Variants in MCTP2 observed in about 807,000 individuals in gnomAD.
The protein encoded by MCTP2 is multiple C2 and transmembrane domain-containing protein 2.
In MCTP2, 132 loss-of-function variants were observed where a neutral mutation model predicts 111.6. The observed-to-expected ratio is 1.18, with a 90% CI of 1.03 to 1.37. MCTP2 has a LOEUF of 1.37. Among genes scored for constraint, MCTP2 ranks in the 40% most tolerant of loss-of-function variants. The pLI, the probability that MCTP2 is intolerant of heterozygous loss-of-function variation, is 0.00. For synonymous variants in MCTP2, 395 were observed against 387.7 expected (o/e 1.02, Z -0.22); for missense variants, 1,183 against 1,067.9 (o/e 1.11, Z -1.50).
chr15:94,373,910 T>C (rs2079616312), intron 12 of MCTP2, among the ~76,000 whole-genome samples: 1 of 152,212 alleles, frequency 6.6e-6, no homozygotes, highest in South Asian at 2.1e-4. Context: ...AAACAAATGA[T>C]AAATTGTACT....
rs564820095 is a variant in MCTP2, at chr15:94,242,681, A to G, written c.-66+11017A>G. ...TTTAGAGATGAGACACTAGACACTG[A>G]AAGTTTTTTTTTAAACTTTAGATTT... On this transcript the variant is annotated intron_variant, in intron 1 of 22. Transcript: ENST00000357742. Among the ~76,000 whole-genome samples, 12 of 122,780 alleles carry G rather than the reference A, an allele frequency of 9.8e-5. No homozygotes were observed. In the East Asian group the frequency reaches 2.3e-3, roughly 23 times the overall value. The allele number at this position is 122,780 out of a possible 152,430, so 80.5% of individuals were successfully genotyped here. A position where few individuals can be genotyped will look rare whatever the true frequency, so the allele number is the denominator to read the frequency against.
rs35821375 is a variant in MCTP2 at position 94,319,037 on chromosome 15, G to GTT, written c.637+3412_637+3413dup. 4.3e-3 allele frequency among the ~76,000 whole-genome samples: 636 copies of GTT among 146,344 alleles called. 3 individuals carry two copies. The highest frequency in any genetic ancestry group is 0.025 in the Middle Eastern group (7 of 278). ...TTGAAACCAGTAGTAATTGTTCTTGGTTTTTTTTTTTTTCTTTCATTTTGG... is the reference window on the plus strand; with the variant it reads ...TTGAAACCAGTAGTAATTGTTCTTGGTTTTTTTTTTTTTTTCTTTCATTTTGG... On this transcript the variant is annotated intron_variant, in intron 4 of 22. Coordinates refer to ENST00000357742, the MANE Select transcript of MCTP2 (RefSeq NM_001385001.1).
At chr15:94,401,850 T>A (rs994530406) in intron 16 of MCTP2, 50 bp from the exon 17 acceptor site, 1 of 1,455,090 alleles carries the variant, frequency 6.9e-7, no homozygotes, top group African/African-American at 1.4e-5. Context: ...CTAGATGGAA[T>A]ATTTGTAGTA....
At chr15:94,330,282 T>G (rs936797761) in intron 4 of MCTP2, among the ~76,000 whole-genome samples, 1 of 152,212 alleles carries the variant, frequency 6.6e-6, no homozygotes, top group Non-Finnish European at 1.5e-5. Context: ...TAAAGGCTGG[T>G]GTCTATTTTC....
At chr15:94,364,926 T>C (rs2079110657) in intron 10 of MCTP2, among the ~76,000 whole-genome samples, 1 of 152,196 alleles carries the variant, frequency 6.6e-6, no homozygotes, top group Non-Finnish European at 1.5e-5. Context: ...AAATACATTT[T>C]TTCTGTCTCC....
rs769607740 is a variant in MCTP2, at chr15:94,458,176, G to A, written c.2290G>A (p.Val764Ile). The change falls in exon 20 of 23, where the codon GTA (valine) becomes ATA (isoleucine). Residue 764 changes from valine (V) to isoleucine (I), a missense_variant. By Grantham distance (29) the Val-to-Ile change is conservative. Coordinates refer to ENST00000357742, the MANE Select transcript of MCTP2 (RefSeq NM_001385001.1). ...KKGLIERIYM[V>I]QDIVSTVQNV... ...GGGGTTGATTGAAAGAATCTATATGGTACAGGATATTGTTTCAACTGTTCA... is the reference window on the plus strand; with the variant it reads ...GGGGTTGATTGAAAGAATCTATATGATACAGGATATTGTTTCAACTGTTCA... The A allele has an allele frequency of 3.7e-5, 59 of 1,612,216 alleles. No individual in the cohort carries two copies. The highest frequency in any genetic ancestry group is 5.0e-5 in the Non-Finnish European group (59 of 1,178,434).
chr15:94,380,645 A>T (rs1416941279), intron 12 of MCTP2, among the ~76,000 whole-genome samples: 2 of 151,956 alleles, frequency 1.3e-5, no homozygotes, highest in African/African-American at 2.4e-5. Context: ...GCACGTGCCT[A>T]TAATCCCAGC....
At chr15:94,244,349 T>C (rs994004938) in intron 1 of MCTP2, among the ~76,000 whole-genome samples, 15 of 149,438 alleles carry the variant, frequency 1.0e-4, no homozygotes, top group Non-Finnish European at 1.8e-4. Context: ...CGTATACGTA[T>C]ACACATACAT....
At position 94,263,106 on chromosome 15, in the gene MCTP2, C is replaced by T. The variant is rs1245770622; in HGVS notation, c.-66+31442C>T. 2.6e-5 allele frequency among the ~76,000 whole-genome samples: 4 copies of T among 152,194 alleles called. No individual in the cohort carries two copies. The East Asian group carries it at 7.7e-4, about 29-fold the overall frequency. ...GAGAGGTTAAAGAAGGAGAGTCAGA[C>T]TCATGACTTTATAGTAGAAAATAGA... On this transcript the variant is annotated intron_variant, in intron 1 of 22. Transcript: ENST00000357742.
At chr15:94,366,900 T>C (rs970146157) in intron 10 of MCTP2, among the ~76,000 whole-genome samples, 27 of 152,048 alleles carry the variant, frequency 1.8e-4, no homozygotes, top group African/African-American at 5.3e-4. Context: ...GTGTTTGAGG[T>C]TTTCAACATC....
At chr15:94,400,136 C>T (rs540637154) in intron 16 of MCTP2, 141 bp downstream of exon 16, 6 of 658,470 alleles carry the variant, frequency 9.1e-6, no homozygotes, top group East Asian at 8.3e-5. Flanking sequence ...CATCTCTCCA[C>T]TTATTTCTCC....
intron 20 of MCTP2, among the ~76,000 whole-genome samples, chr15:94,466,222 TTTTC>T (rs1375675286): frequency 1.3e-5 from 2 of 152,128 alleles, no homozygotes; most frequent in Non-Finnish European, 2.9e-5. Flanking sequence ...ATCTGAAATC[TTTTC>T]TTTCAGATTT....
At chr15:94,278,401 A>G (rs2074318093) in intron 1 of MCTP2, 1 of 152,204 alleles carries the variant, frequency 6.6e-6, no homozygotes. Context: ...TCTTTGCAGT[A>G]AAGGGTGCTT....
intron 19 of MCTP2, 50 bp from the exon 20 acceptor site, chr15:94,458,087 A>G (rs1184217247): frequency 3.1e-6 from 3 of 976,538 alleles, no homozygotes; most frequent in Non-Finnish European, 1.7e-6. Context: ...CTGTATCAGC[A>G]TGATAAAAAA....
At chr15:94,358,450 G>A in intron 9 of MCTP2, 32 bp from the exon 10 acceptor site, 1 of 1,586,176 alleles carries the variant, frequency 6.3e-7, no homozygotes, top group Non-Finnish European at 8.6e-7. Flanking sequence ...GACATTTTAA[G>A]AAAATAAATA....
At chr15:94,237,642 T>C (rs183728554) in intron 1 of MCTP2, among the ~76,000 whole-genome samples, 6 of 152,238 alleles carry the variant, frequency 3.9e-5, no homozygotes, top group Non-Finnish European at 7.3e-5. Flanking sequence ...CTTTGCCATA[T>C]TTTGAAATGG....
At chr15:94,439,982 A>G (rs1260566825) in intron 17 of MCTP2, among the ~76,000 whole-genome samples, 194 bp from the exon 18 acceptor site, 1 of 152,194 alleles carries the variant, frequency 6.6e-6, no homozygotes, top group Admixed American at 6.5e-5. Context: ...CCAGAGCGTG[A>G]CTAATCAGCT....
chr15:94,439,734 C>G lies in MCTP2; in HGVS notation c.2086-442C>G, dbSNP rs117263360. ...TCTCGAAATTGGTAGATTTTAAGCA[C>G]TTTAACAAAAGTTTGGAAATCCAAA... On this transcript the variant is annotated intron_variant, in intron 17 of 22. Transcript: ENST00000357742. 4.6e-3 allele frequency among the ~76,000 whole-genome samples: 703 copies of G among 152,274 alleles called. 3 individuals are homozygous for G. The highest frequency in any genetic ancestry group is 5.4e-3 in the Admixed American group (83 of 15,298).
chr15:94,453,436 G>T (rs938877053), intron 19 of MCTP2, among the ~76,000 whole-genome samples: 2 of 152,198 alleles, frequency 1.3e-5, no homozygotes, highest in Non-Finnish European at 2.9e-5. Flanking sequence ...ATGTCTACCG[G>T]CCCATTAAGC....
Sources: allele counts gnomAD v4.1 joint callset (sites outside exome capture counted in the v4.1 genomes callset), GRCh38; gene constraint gnomAD v4.1.1; transcripts MANE v1.5; gene names NCBI Gene and HGNC (gene_info 2026-07-23, HGNC 2026-07-21).